TPM1: variants seen among roughly 807,000 people sequenced by gnomAD.
TPM1 encodes the protein tropomyosin 1.
A neutral mutation model predicts 42.9 loss-of-function variants in TPM1; 24 were observed. The observed-to-expected ratio is 0.56, with a 90% CI of 0.41 to 0.79. The LOEUF (loss-of-function observed/expected upper bound fraction) is 0.79, where lower values mean the gene tolerates loss of function less well. Ranked by LOEUF, TPM1 falls within the 30% of genes least tolerant of loss-of-function variation. The pLI, the probability that TPM1 is intolerant of heterozygous loss-of-function variation, is 0.00. For synonymous variants in TPM1, 136 were observed against 130.1 expected, an observed-to-expected ratio of 1.05 and a Z score of -0.31; for missense variants, 158 against 351.8, an observed-to-expected ratio of 0.45 and a Z score of 4.41.
Position 63,059,549 on chromosome 15 carries a change from G to A in TPM1, c.375-14G>A. ...CTCTAAATCTTGGGTTTTCTTGCTTGTCTTTCTTTTCAGAGGCATGAAAGT... is the reference window on the plus strand; with the variant it reads ...CTCTAAATCTTGGGTTTTCTTGCTTATCTTTCTTTTCAGAGGCATGAAAGT... On this transcript the variant is annotated splice_polypyrimidine_tract_variant and intron_variant, in intron 3 of 9. Coordinates refer to ENST00000403994, the MANE Select transcript of TPM1 (RefSeq NM_001018005.2). 6.2e-7 allele frequency: 1 copy of A among 1,601,804 alleles called. No individual in the cohort carries two copies. The highest frequency in any genetic ancestry group is 8.5e-7 in the Non-Finnish European group (1 of 1,171,372).
intron 2 of TPM1, chr15:63,048,967 G>A (rs754470749): frequency 3.9e-6 from 2 of 518,374 alleles, no homozygotes; most frequent in Non-Finnish European, 6.9e-6. Context: ...GGTTCTGGAA[G>A]GAGCATTTTC....
At chr15:63,064,221 T>G (rs1278217209) in intron 9 of TPM1, 79 bp downstream of exon 9, 3 of 1,563,378 alleles carry the variant, frequency 1.9e-6, no homozygotes, top group African/African-American at 1.4e-5. Flanking sequence ...CCTTCCTTGC[T>G]CCCTAATCTC....
intron 2 of TPM1, among the ~76,000 whole-genome samples, chr15:63,055,406 A>C (rs1269733260): frequency 3.9e-5 from 6 of 152,238 alleles, no homozygotes; most frequent in Non-Finnish European, 1.5e-5. Context: ...TAGGTGAGCA[A>C]AGAGCTGAAG....
chr15:63,071,036 C>G, downstream of TPM1: 2 of 1,611,512 alleles, frequency 1.2e-6, no homozygotes, highest in South Asian at 1.1e-5. Context: ...GTACAAACCA[C>G]CATTGTGTCC....
At chr15:63,070,454 C>G, downstream of TPM1, 2 of 994,148 alleles carry the variant, frequency 2.0e-6, no homozygotes, top group South Asian at 8.9e-5. Flanking sequence ...CCAGAAGCCC[C>G]TGGTTGTCTG....
intron 1 of TPM1, chr15:63,043,597 G>C (rs1415047187): frequency 6.6e-7 from 1 of 1,509,206 alleles, no homozygotes; most frequent in Non-Finnish European, 8.9e-7. Context: ...ACTCCAACTC[G>C]GCGGCGCCCC....
chr15:63,051,099 A>G (rs1434355111), intron 2 of TPM1, among the ~76,000 whole-genome samples: 2 of 152,178 alleles, frequency 1.3e-5, no homozygotes, highest in African/African-American at 4.8e-5. Context: ...GTGACCCACT[A>G]GGGTTATGTT....
chr15:63,043,093 G>A (rs2031514418), intron 1 of TPM1, 150 bp downstream of exon 1: 3 of 692,530 alleles, frequency 4.3e-6, no homozygotes, highest in Non-Finnish European at 2.5e-6. Context: ...CTGGAAAGAA[G>A]GAAGGGAAAC....
At chr15:63,064,512 C>A (rs1307417998) in intron 9 of TPM1, 12 of 1,097,254 alleles carry the variant, frequency 1.1e-5, no homozygotes, top group Non-Finnish European at 1.3e-5. Context: ...AATTTGTTTC[C>A]TGAAATTCAA....
At chr15:63,068,743 C>T (rs976830481), downstream of TPM1, among the ~76,000 whole-genome samples, 1 of 152,262 alleles carries the variant, frequency 6.6e-6, no homozygotes, top group Admixed American at 6.5e-5. Context: ...AAGCAGATCA[C>T]GTGTCAGTGT....
In TPM1 at chr15:63,062,319, G is replaced by A. The variant is rs756733172; in HGVS notation, c.702+42G>A. On this transcript the variant is annotated intron_variant, in intron 7 of 9. Transcript: ENST00000403994. Reference sequence around the variant, plus strand: ...GGATGAAGCCAACTGGATTTTAAATGAGTTTGTTTTCATGGAACCGGTCAG... The same window carrying A: ...GGATGAAGCCAACTGGATTTTAAATAAGTTTGTTTTCATGGAACCGGTCAG... 5.7e-6 allele frequency: 9 copies of A among 1,591,566 alleles called. No homozygotes were observed. In the African/African-American group the frequency reaches 1.1e-4, roughly 19 times the overall value.
At chr15:63,067,975 A>T (rs1420021137), downstream of TPM1, among the ~76,000 whole-genome samples, 1 of 152,222 alleles carries the variant, frequency 6.6e-6, no homozygotes, top group African/African-American at 2.4e-5. Flanking sequence ...CGGAGGGACC[A>T]CTGTCCTTCC....
chr15:63,071,298 T>G, exon 9 of TPM1: 1 of 1,113,064 alleles, frequency 9.0e-7, no homozygotes, highest in Non-Finnish European at 1.3e-6. Context: ...AGATACCAGC[T>G]AGGTCAGGGG....
At chr15:63,054,443 G>C (rs1275015416) in intron 2 of TPM1, 1 of 152,238 alleles carries the variant, frequency 6.6e-6, no homozygotes, top group Non-Finnish European at 1.5e-5. Context: ...TGGGTAGGAA[G>C]ATCTCATGTG....
At chr15:63,048,533 C>G (rs1347870272) in intron 2 of TPM1, 1 of 1,509,524 alleles carries the variant, frequency 6.6e-7, no homozygotes. Context: ...CAGCAGCCGG[C>G]CTCTCCCACT....
chr15:63,047,075 T>G (rs2140680704), intron 2 of TPM1: 1 of 152,334 alleles, frequency 6.6e-6, no homozygotes, highest in East Asian at 1.9e-4. Context: ...GACACCCGGT[T>G]CCCCCATTCT....
At chr15:63,059,440 A>G (rs2035282721) in intron 3 of TPM1, 123 bp from the exon 4 acceptor site, 1 of 707,036 alleles carries the variant, frequency 1.4e-6, no homozygotes, top group Admixed American at 1.9e-5. Context: ...GGAAAATAAA[A>G]GTAGCTCTGT....
downstream of TPM1, chr15:63,069,782 G>T: frequency 9.7e-6 from 15 of 1,547,592 alleles, no homozygotes; most frequent in Non-Finnish European, 1.3e-5. Flanking sequence ...AGGTCTCTTT[G>T]TGTTCTCTAT....
At position 63,059,821 on chromosome 15, in the gene TPM1, T is replaced by G. The variant is rs1402992507; in HGVS notation, c.492+141T>G. 1.8e-5 allele frequency: 11 copies of G among 612,662 alleles called. No individual in the cohort carries two copies. The East Asian group carries it at 4.0e-4, about 22-fold the overall frequency. The allele number at this position is 612,662 out of a possible 1,614,324, so 38.0% of individuals were successfully genotyped here. ...GGTGGTTTTGAGAAGCAGAGTTCCT[T>G]TGTGTCCAGAAAACGGTTCTAATTT... is the stretch of plus-strand genomic sequence containing the variant. On this transcript the variant is annotated intron_variant, in intron 4 of 9. Coordinates refer to ENST00000403994, the MANE Select transcript of TPM1 (RefSeq NM_001018005.2).
Sources: allele counts gnomAD v4.1 joint callset (sites outside exome capture counted in the v4.1 genomes callset), GRCh38; gene constraint gnomAD v4.1.1; transcripts MANE v1.5; gene names NCBI Gene and HGNC (gene_info 2026-07-23, HGNC 2026-07-21).